The following AFG2A variants were observed in gnomAD, a reference collection of about 807,000 sequenced individuals.
The protein encoded by AFG2A is ATPase family gene 2 protein homolog A.
chr4:123,264,732 C>T, the AFG2A span, among the ~76,000 whole-genome samples: 1 of 152,204 alleles, frequency 6.6e-6, no homozygotes, highest in Admixed American at 6.5e-5. Context: ...CAAGACCCAT[C>T]ATGGCCACCT....
chr4:122,930,076 C>T, the AFG2A span, among the ~76,000 whole-genome samples: 36 of 152,272 alleles, frequency 2.4e-4, no homozygotes, highest in African/African-American at 8.7e-4. Flanking sequence ...CAAACAGAAA[C>T]AAGTTTTAAT....
chr4:122,946,635 GT>G, the AFG2A span, among the ~76,000 whole-genome samples: 73 of 151,402 alleles, frequency 4.8e-4, no homozygotes, highest in Non-Finnish European at 9.0e-4. Flanking sequence ...TTATTATTTG[GT>G]TTTCCTAATT....
chr4:122,982,088 AG>A, the AFG2A span, among the ~76,000 whole-genome samples: 1 of 152,130 alleles, frequency 6.6e-6, no homozygotes. Context: ...TTCATCTTAG[AG>A]GAAAAGTTTT....
chr4:122,956,234 A>T, the AFG2A span, among the ~76,000 whole-genome samples: 1 of 152,232 alleles, frequency 6.6e-6, no homozygotes, highest in South Asian at 2.1e-4. Context: ...GTTAAATAGA[A>T]AAAATGACAT....
the AFG2A span, among the ~76,000 whole-genome samples, chr4:123,202,186 A>G: frequency 4.6e-5 from 7 of 152,290 alleles, no homozygotes; most frequent in East Asian, 5.8e-4. Context: ...TCAGAATTCT[A>G]TATCACACAT....
chr4:123,000,146 A>T, the AFG2A span, among the ~76,000 whole-genome samples: 13 of 149,968 alleles, frequency 8.7e-5, 1 homozygote, highest in Non-Finnish European at 1.8e-4. Flanking sequence ...ATTTTTGTAC[A>T]TTGATTTTGT....
the AFG2A span, among the ~76,000 whole-genome samples, chr4:123,302,578 AC>A: frequency 2.0e-5 from 2 of 100,378 alleles, no homozygotes; most frequent in Non-Finnish European, 5.2e-5. Flanking sequence ...TTAGCAGGAG[AC>A]CTTTTTTTTT....
chr4:123,009,854 C>T, the AFG2A span, among the ~76,000 whole-genome samples: 3 of 152,042 alleles, frequency 2.0e-5, no homozygotes, highest in Non-Finnish European at 4.4e-5. Flanking sequence ...AATCTCCTGG[C>T]CCTTCAGAAA....
At chr4:123,075,617 GA>G in the AFG2A span, among the ~76,000 whole-genome samples, 3 of 152,056 alleles carry the variant, frequency 2.0e-5, no homozygotes, top group Non-Finnish European at 2.9e-5. Context: ...AATAGAAAGG[GA>G]TAGTGTGTCA....
At chr4:122,948,461 G>A in the AFG2A span, among the ~76,000 whole-genome samples, 50 of 150,644 alleles carry the variant, frequency 3.3e-4, no homozygotes, top group Non-Finnish European at 5.8e-4. Flanking sequence ...CATTGGTGGC[G>A]GTATTGATGA....
At chr4:123,008,253 AG>A in the AFG2A span, among the ~76,000 whole-genome samples, 1 of 152,200 alleles carries the variant, frequency 6.6e-6, no homozygotes, top group African/African-American at 2.4e-5. Context: ...GAGAGATGCC[AG>A]GCTCTTTTCA....
chr4:123,100,149 C>A, the AFG2A span, among the ~76,000 whole-genome samples: 1 of 151,722 alleles, frequency 6.6e-6, no homozygotes, highest in African/African-American at 2.4e-5. Flanking sequence ...TTGTAAAATC[C>A]CAACCCATCA....
At chr4:123,014,894 G>A in the AFG2A span, among the ~76,000 whole-genome samples, 1 of 151,822 alleles carries the variant, frequency 6.6e-6, no homozygotes, top group Admixed American at 6.6e-5. Context: ...GCCCAGTTTT[G>A]GTGTATAGTT....
the AFG2A span, among the ~76,000 whole-genome samples, chr4:122,946,787 A>G: frequency 6.6e-6 from 1 of 152,182 alleles, no homozygotes; most frequent in Non-Finnish European, 1.5e-5. Context: ...GACTTTTTAG[A>G]TAACTTTCTA....
chr4:123,314,099 T>C, the AFG2A span: 20 of 1,457,594 alleles, frequency 1.4e-5, no homozygotes, highest in South Asian at 2.5e-4. Context: ...GAAAATCCTT[T>C]CCAGAGAAAA....
At chr4:123,132,665 TTC>T in the AFG2A span, among the ~76,000 whole-genome samples, 1 of 150,826 alleles carries the variant, frequency 6.6e-6, no homozygotes, top group Non-Finnish European at 1.5e-5. Context: ...TCTTTATTCA[TTC>T]TCTGTCAATG....
At chr4:123,070,174 T>C in the AFG2A span, among the ~76,000 whole-genome samples, 3 of 152,298 alleles carry the variant, frequency 2.0e-5, no homozygotes, top group African/African-American at 7.2e-5. Context: ...ACCCGTTAGT[T>C]TAATTTATAA....
the AFG2A span, among the ~76,000 whole-genome samples, chr4:123,120,546 C>T: frequency 6.6e-6 from 1 of 152,200 alleles, no homozygotes; most frequent in South Asian, 2.1e-4. Context: ...AGGGTTGTTA[C>T]TGCAGTCACA....
At chr4:123,056,000 A>T in the AFG2A span, among the ~76,000 whole-genome samples, 2 of 152,270 alleles carry the variant, frequency 1.3e-5, no homozygotes, top group African/African-American at 4.8e-5. Flanking sequence ...ATGTCAAAAA[A>T]TGTGCATCTT....
Sources: allele counts gnomAD v4.1 joint callset (sites outside exome capture counted in the v4.1 genomes callset), GRCh38; gene constraint gnomAD v4.1.1; transcripts MANE v1.5; gene names NCBI Gene and HGNC (gene_info 2026-07-23, HGNC 2026-07-21).